Variants in DNAH11 observed in about 807,000 individuals in gnomAD.
The protein encoded by DNAH11 is axonemal beta dynein heavy chain 11.
DNAH11 carries 442 observed loss-of-function variants against 526.0 expected under a neutral mutation model. The observed-to-expected ratio is 0.84, with a 90% CI of 0.78 to 0.91. DNAH11 has a LOEUF of 0.91. DNAH11 is among the 40% of genes least tolerant of loss of function. The pLI is 0.00. For synonymous variants in DNAH11, 2,461 were observed against 1,935.9 expected (o/e 1.27, Z -7.12); for missense variants, 6,989 against 5,448.7 (o/e 1.28, Z -8.90).
rs146895202 is a variant in DNAH11, at chr7:21,881,313, C to T, written c.12387+420C>T. On this transcript the variant is annotated intron_variant, in intron 75 of 81. Coordinates refer to ENST00000409508, the MANE Select transcript of DNAH11 (RefSeq NM_001277115.2). Reference sequence around the variant, plus strand: ...TTCTGATGATGGAAGCAATTTACAGCGCGTCACATGTATAAATAATGGTGC... The same window carrying T: ...TTCTGATGATGGAAGCAATTTACAGTGCGTCACATGTATAAATAATGGTGC... Among the ~76,000 whole-genome samples, 165 of 152,230 alleles carry T rather than the reference C, an allele frequency of 1.1e-3. 2 individuals are homozygous for T. The highest frequency in any genetic ancestry group is 3.8e-3 in the African/African-American group (157 of 41,526).
chr7:21,763,072 G>A (rs980927173), intron 54 of DNAH11, among the ~76,000 whole-genome samples: 3 of 152,102 alleles, frequency 2.0e-5, no homozygotes, highest in African/African-American at 2.4e-5. Flanking sequence ...GGCCAGGTGC[G>A]GTGGCTCACG....
intron 74 of DNAH11, among the ~76,000 whole-genome samples, chr7:21,877,156 G>A (rs545768616): frequency 1.3e-5 from 2 of 152,346 alleles, no homozygotes; most frequent in South Asian, 2.1e-4. Flanking sequence ...TCACAGTGGA[G>A]TAAAATACCC....
intron 55 of DNAH11, among the ~76,000 whole-genome samples, chr7:21,771,370 G>A (rs1787427023): frequency 6.6e-6 from 1 of 152,130 alleles, no homozygotes; most frequent in African/African-American, 2.4e-5. Context: ...TTTTCAAGAG[G>A]AATATACTGG....
chr7:21,741,014 ATCT>A (rs1203863036), intron 48 of DNAH11, among the ~76,000 whole-genome samples: 2 of 152,116 alleles, frequency 1.3e-5, no homozygotes, highest in African/African-American at 2.4e-5. Context: ...TCATTTTTGT[ATCT>A]TCTTCGGAGA....
chr7:21,649,720 C>A (rs1479807622), intron 28 of DNAH11, among the ~76,000 whole-genome samples: 1 of 148,666 alleles, frequency 6.7e-6, no homozygotes, highest in Admixed American at 6.8e-5. Flanking sequence ...TGCTGGAGTG[C>A]AATAGTGCAA....
chr7:21,603,938 T>C (rs1785187504), intron 18 of DNAH11, among the ~76,000 whole-genome samples: 1 of 152,200 alleles, frequency 6.6e-6, no homozygotes, highest in South Asian at 2.1e-4. Context: ...CTTTTCAACA[T>C]TTCAAAAGCA....
At chr7:21,889,829 A>T (rs1784268091) in intron 76 of DNAH11, among the ~76,000 whole-genome samples, 1 of 152,196 alleles carries the variant, frequency 6.6e-6, no homozygotes. Flanking sequence ...CATTAGCAAA[A>T]AGCATCTTTT....
intron 14 of DNAH11, 124 bp downstream of exon 14, chr7:21,591,701 T>C (rs1458892265): frequency 1.0e-6 from 1 of 989,650 alleles, no homozygotes; most frequent in Non-Finnish European, 1.4e-6. Context: ...TGAATGGTAT[T>C]ATTAGGCATT....
chr7:21,666,682 C>G (rs1187746502), intron 30 of DNAH11, among the ~76,000 whole-genome samples: 1 of 151,746 alleles, frequency 6.6e-6, no homozygotes, highest in East Asian at 1.9e-4. Context: ...GCATTCTTAT[C>G]TTGTTTCAGC....
At chr7:21,662,719 C>G (rs1782284308) in intron 30 of DNAH11, among the ~76,000 whole-genome samples, 1 of 152,076 alleles carries the variant, frequency 6.6e-6, no homozygotes, top group Non-Finnish European at 1.5e-5. Flanking sequence ...TTCCTCCCAA[C>G]TGAAATTTTG....
At position 21,639,089 on chromosome 7, in the gene DNAH11, G is replaced by T. The variant is rs376482134; in HGVS notation, c.4944+24G>T. ...AGGTAATATTTTTTTTGAAAGTCTC[G>T]TATTATACTGTGTTAGCTGAGGAAT... On this transcript the variant is annotated intron_variant, in intron 28 of 81. Coordinates refer to ENST00000409508, the MANE Select transcript of DNAH11 (RefSeq NM_001277115.2). 4 of 1,599,332 alleles carry T rather than the reference G, an allele frequency of 2.5e-6. No individual in the cohort carries two copies. The South Asian group carries it at 4.6e-5, about 18-fold the overall frequency.
chr7:21,554,939 G>T (rs1213262095), intron 2 of DNAH11, among the ~76,000 whole-genome samples: 2 of 152,174 alleles, frequency 1.3e-5, no homozygotes, highest in Non-Finnish European at 1.5e-5. Context: ...CTCTGCCATG[G>T]TCTGCAGGTC....
chr7:21,594,154 A>G (rs1294203405), intron 14 of DNAH11, among the ~76,000 whole-genome samples: 2 of 151,854 alleles, frequency 1.3e-5, no homozygotes, highest in African/African-American at 2.4e-5. Flanking sequence ...TCCTTGGTAA[A>G]GGCTGGAAAC....
chr7:21,601,690 A>T (rs1785098415), intron 18 of DNAH11, 72 bp downstream of exon 18: 1 of 1,176,588 alleles, frequency 8.5e-7, no homozygotes, highest in African/African-American at 1.5e-5. Flanking sequence ...CTTTACATGT[A>T]CTCTCTTATG....
intron 61 of DNAH11, among the ~76,000 whole-genome samples, chr7:21,794,130 T>A (rs959954844): frequency 6.6e-6 from 1 of 152,266 alleles, no homozygotes; most frequent in African/African-American, 2.4e-5. Context: ...CTTAAACTTC[T>A]GATAAATTTC....
chr7:21,614,875 A>G (rs770162219), intron 20 of DNAH11, among the ~76,000 whole-genome samples: 4 of 152,214 alleles, frequency 2.6e-5, no homozygotes, highest in Non-Finnish European at 5.9e-5. Context: ...TTTTGCTAAT[A>G]CGTGTATAGG....
Position 21,758,832 on chromosome 7 carries a change from G to A in DNAH11, c.8941-6596G>A, listed in dbSNP as rs10272875. 8.7e-3 allele frequency among the ~76,000 whole-genome samples: 1,330 copies of A among 152,284 alleles called. 17 individuals carry two copies. The highest frequency in any genetic ancestry group is 0.031 in the African/African-American group (1,270 of 41,562). ...GCTTTTCTCATTTTGCTAGCATTCA[G>A]CTGTGGGGTTTGCTGGTAGAGTCTG... On this transcript the variant is annotated intron_variant, in intron 54 of 81. Transcript: ENST00000409508.
chr7:21,791,113 A>G (rs1486106469), intron 61 of DNAH11, among the ~76,000 whole-genome samples: 13 of 152,186 alleles, frequency 8.5e-5, no homozygotes, highest in Admixed American at 8.5e-4. Context: ...GGAGGAATAC[A>G]GGAGCAGGAT....
intron 8 of DNAH11, among the ~76,000 whole-genome samples, chr7:21,574,712 C>T (rs780470780): frequency 2.0e-5 from 3 of 146,600 alleles, no homozygotes; most frequent in Non-Finnish European, 3.0e-5. Context: ...TACAGGGGCA[C>T]ACCACCACGC....
Sources: gnomAD v4.1 joint callset for allele counts (sites outside exome capture counted in the v4.1 genomes callset) on GRCh38, gnomAD v4.1.1 for gene constraint, MANE v1.5 for transcripts, NCBI Gene and HGNC (gene_info 2026-07-23, HGNC 2026-07-21) for gene names.